Variants in DENND5A observed in about 807,000 individuals in gnomAD.
DENND5A encodes DENN domain-containing protein 5A.
DENND5A carries 64 observed loss-of-function variants against 140.3 expected under a neutral mutation model. The ratio of observed to expected loss-of-function variants is 0.46; its 90% CI spans 0.37 to 0.56. DENND5A has a LOEUF of 0.56. Among genes scored for constraint, DENND5A ranks in the 20% least tolerant of loss-of-function variants. DENND5A has a pLI of 0.00. For synonymous variants in DENND5A, 605 were observed against 607.7 expected, an observed-to-expected ratio of 1.00 and a Z score of 0.07; for missense variants, 1,292 against 1,593.8, an observed-to-expected ratio of 0.81 and a Z score of 3.22.
At chr11:9,259,429 G>A (rs1477873032) in intron 1 of DENND5A, among the ~76,000 whole-genome samples, 2 of 151,866 alleles carry the variant, frequency 1.3e-5, no homozygotes, top group Non-Finnish European at 2.9e-5. Context: ...AGCCGGGCGT[G>A]GTGGTGGGCG....
At chr11:9,262,902 C>T (rs549345387) in intron 1 of DENND5A, among the ~76,000 whole-genome samples, 35 of 152,134 alleles carry the variant, frequency 2.3e-4, no homozygotes, top group African/African-American at 7.7e-4. Flanking sequence ...CCACCACGCC[C>T]GGCTAATTTT....
chr11:9,222,356 A>T (rs1850347946), intron 1 of DENND5A, among the ~76,000 whole-genome samples: 1 of 152,224 alleles, frequency 6.6e-6, no homozygotes, highest in Non-Finnish European at 1.5e-5. Context: ...ATTTGACCAA[A>T]AAAATCCTAA....
At chr11:9,140,126 G>GAGAAGCTC in intron 22 of DENND5A, 5 of 1,431,318 alleles carry the variant, frequency 3.5e-6, no homozygotes, top group Non-Finnish European at 4.6e-6. Flanking sequence ...CCCACCACTG[G>GAGAAGCTC]TGTCTCCCAG....
chr11:9,231,760 C>T (rs1267081276), intron 1 of DENND5A, among the ~76,000 whole-genome samples: 1 of 148,020 alleles, frequency 6.8e-6, no homozygotes, highest in Non-Finnish European at 1.5e-5. Context: ...GTTAGTTTAC[C>T]CTCAGTAACA....
intron 4 of DENND5A, among the ~76,000 whole-genome samples, chr11:9,201,708 C>T (rs1849530601): frequency 6.6e-6 from 1 of 151,876 alleles, no homozygotes; most frequent in African/African-American, 2.4e-5. Context: ...CACCTTTTTG[C>T]TACTATTCTT....
At chr11:9,213,438 CT>C (rs901386385) in intron 1 of DENND5A, among the ~76,000 whole-genome samples, 3 of 151,410 alleles carry the variant, frequency 2.0e-5, no homozygotes, top group Non-Finnish European at 4.4e-5. Flanking sequence ...AAAAAAACAC[CT>C]TTTTTTTAAT....
chr11:9,217,673 C>T (rs890655117), intron 1 of DENND5A, among the ~76,000 whole-genome samples: 3 of 152,074 alleles, frequency 2.0e-5, no homozygotes, highest in South Asian at 2.1e-4. Context: ...ATTATGGTAA[C>T]GATTGCACAA....
chr11:9,247,344 G>C (rs1401195519), intron 1 of DENND5A, among the ~76,000 whole-genome samples: 1 of 151,734 alleles, frequency 6.6e-6, no homozygotes, highest in Non-Finnish European at 1.5e-5. Context: ...TTCTTTCAAT[G>C]ACTGCAAATA....
intron 4 of DENND5A, among the ~76,000 whole-genome samples, chr11:9,198,251 A>G (rs1466750107): frequency 6.6e-6 from 1 of 152,054 alleles, no homozygotes; most frequent in Non-Finnish European, 1.5e-5. Flanking sequence ...GAACACTACA[A>G]AAATCTAGAA....
In DENND5A at chr11:9,147,123, G is replaced by A. The variant is rs761947253; in HGVS notation, c.2764C>T (p.Arg922Cys). ...KKLYKRYAFL[R>C]CDDEKEQFLY... ...AACTGCTCCTTCTCGTCATCACAGC[G>A]CAGGAAGGCATAGCGCTTATATAAC... The change falls in exon 16 of 23, where the codon CGC becomes TGC. Residue 922 changes from arginine to cysteine, a missense_variant. Transcript: ENST00000328194. 1.7e-5 allele frequency: 28 copies of A among 1,614,072 alleles called. No homozygotes were observed. The highest frequency in any genetic ancestry group is 7.7e-5 in the South Asian group (7 of 91,082).
intron 1 of DENND5A, among the ~76,000 whole-genome samples, chr11:9,258,288 C>A (rs960164742): frequency 6.7e-6 from 1 of 150,272 alleles, no homozygotes; most frequent in African/African-American, 2.5e-5. Context: ...CCCCCACCCC[C>A]CCAACAGGCC....
chr11:9,257,167 G>T (rs974262486), intron 1 of DENND5A, among the ~76,000 whole-genome samples: 2 of 151,258 alleles, frequency 1.3e-5, no homozygotes, highest in Non-Finnish European at 2.9e-5. Context: ...CCACCACCAC[G>T]CCCGGCTAAT....
At chr11:9,154,975 C>A (rs1339194291) in intron 12 of DENND5A, among the ~76,000 whole-genome samples, 1 of 151,904 alleles carries the variant, frequency 6.6e-6, no homozygotes, top group Non-Finnish European at 1.5e-5. Flanking sequence ...CAGGAGGAAA[C>A]CCCATCTCTA....
chr11:9,167,605 C>T (rs1397514880), intron 10 of DENND5A, among the ~76,000 whole-genome samples: 1 of 151,896 alleles, frequency 6.6e-6, no homozygotes, highest in Admixed American at 6.6e-5. Flanking sequence ...TGAAGAAACC[C>T]TGTCTCTACC....
intron 1 of DENND5A, among the ~76,000 whole-genome samples, chr11:9,213,469 G>A (rs1849958612): frequency 6.6e-6 from 1 of 151,236 alleles, no homozygotes. Context: ...AACCTCTCAG[G>A]GTTTTTAAAA....
chr11:9,174,109 AAAAAAAAAAAAAAAAAAAAAG>A (rs1228750974), intron 8 of DENND5A, among the ~76,000 whole-genome samples: 1 of 142,332 alleles, frequency 7.0e-6, no homozygotes, highest in African/African-American at 2.6e-5. Context: ...TCTCAAAAAA[AAAAAAAAAAAAAAAAAAAAAG>A]AAAAAAAAAT....
chr11:9,242,001 C>T (rs986708470), intron 1 of DENND5A, among the ~76,000 whole-genome samples: 1 of 137,254 alleles, frequency 7.3e-6, no homozygotes, highest in Non-Finnish European at 1.5e-5. Context: ...GCAACATGAG[C>T]GAAACTCCGT....
chr11:9,139,415 G>C lies in DENND5A; in HGVS notation c.*256C>G. The C allele has an allele frequency of 2.2e-6, 1 of 461,642 alleles. No homozygotes were observed. Among genetic ancestry groups the C allele is most frequent in the Non-Finnish European group, 3.9e-6 (1 of 254,618 alleles). The allele number at this position is 461,642 out of a possible 1,614,324, so 28.6% of individuals were successfully genotyped here. A position where few individuals can be genotyped will look rare whatever the true frequency, so the allele number is the denominator to read the frequency against. ...CAGCATGTGGCCACGGCGAGGGAGGGCACCAGCTTCAAAATAAGCGGCACC... is the reference window on the plus strand; with the variant it reads ...CAGCATGTGGCCACGGCGAGGGAGGCCACCAGCTTCAAAATAAGCGGCACC... On this transcript the variant is annotated 3_prime_UTR_variant, in exon 23 of 23. Coordinates refer to ENST00000328194, the MANE Select transcript of DENND5A (RefSeq NM_015213.4).
chr11:9,236,887 T>A (rs566521594), intron 1 of DENND5A, among the ~76,000 whole-genome samples: 1 of 152,296 alleles, frequency 6.6e-6, no homozygotes, highest in East Asian at 1.9e-4. Flanking sequence ...GTGACTATGT[T>A]TGAAGTTTTG....
Sources: gnomAD v4.1 joint callset for allele counts (sites outside exome capture counted in the v4.1 genomes callset) on GRCh38, gnomAD v4.1.1 for gene constraint, MANE v1.5 for transcripts, NCBI Gene and HGNC (gene_info 2026-07-23, HGNC 2026-07-21) for gene names.